Variants in NTNG2 observed in about 807,000 individuals in gnomAD.
NTNG2 encodes the protein netrin G2.
Under a neutral mutation model 47.6 loss-of-function variants are expected in NTNG2, and 15 were observed. That is an observed-to-expected ratio of 0.32 (90% CI 0.21 to 0.49). The LOEUF (loss-of-function observed/expected upper bound fraction) is 0.49. Among genes scored for constraint, NTNG2 ranks in the 20% least tolerant of loss-of-function variants. The pLI is 0.99. For missense variants in NTNG2, 578 were observed against 764.6 expected, an observed-to-expected ratio of 0.76 and a Z score of 2.88; for synonymous variants, 307 against 324.6, an observed-to-expected ratio of 0.95 and a Z score of 0.58.
intron 3 of NTNG2, among the ~76,000 whole-genome samples, chr9:132,201,432 CG>C (rs1175531699): frequency 1.3e-5 from 2 of 152,230 alleles, no homozygotes; most frequent in Non-Finnish European, 2.9e-5. Flanking sequence ...TTGGGTTAGA[CG>C]GTTCAGCGAA....
intron 5 of NTNG2, chr9:132,233,164 C>A (rs2854925): frequency 0.38 from 58,228 of 152,180 alleles, 11,596 homozygotes; most frequent in South Asian, 0.54. Context: ...TGCTTTGCTG[C>A]TGAGCCTGTG....
intron 2 of NTNG2, among the ~76,000 whole-genome samples, chr9:132,172,999 G>A (rs1040453921): frequency 6.6e-6 from 1 of 152,140 alleles, no homozygotes; most frequent in African/African-American, 2.4e-5. Flanking sequence ...AAAGTGCTGG[G>A]ATTACAGGAG....
At chr9:132,199,470 G>A (rs1272111265) in intron 3 of NTNG2, among the ~76,000 whole-genome samples, 1 of 152,258 alleles carries the variant, frequency 6.6e-6, no homozygotes, top group Non-Finnish European at 1.5e-5. Flanking sequence ...GTGGGGTTGT[G>A]CAGGCAGCAC....
chr9:132,210,291 T>C (rs1006320587), intron 3 of NTNG2, among the ~76,000 whole-genome samples: 1 of 152,124 alleles, frequency 6.6e-6, no homozygotes, highest in Non-Finnish European at 1.5e-5. Context: ...GTCTGAGACT[T>C]GCCCGCTCAA....
chr9:132,174,077 G>GACGA, intron 2 of NTNG2, among the ~76,000 whole-genome samples: 1 of 89,350 alleles, frequency 1.1e-5, no homozygotes, highest in African/African-American at 4.6e-5. Flanking sequence ...CAGACGGACA[G>GACGA]ACGGACAGAT....
chr9:132,214,277 AT>A (rs1396137325), intron 3 of NTNG2, among the ~76,000 whole-genome samples: 1 of 152,012 alleles, frequency 6.6e-6, no homozygotes, highest in Non-Finnish European at 1.5e-5. Context: ...CCCGCTCACG[AT>A]TTTTGTGGAG....
At position 132,226,978 on chromosome 9, in the gene NTNG2, G is replaced by T. The variant is rs765317291; in HGVS notation, c.987G>T (p.Arg329=). 1 of 1,610,676 alleles carries T rather than the reference G, an allele frequency of 6.2e-7. No homozygotes were observed. The highest frequency in any genetic ancestry group is 2.2e-5 in the East Asian group (1 of 44,850). The change falls in exon 4 of 8, where the codon CGG becomes CGT. Residue 329 remains arginine, a synonymous_variant. Coordinates refer to ENST00000393229, the MANE Select transcript of NTNG2 (RefSeq NM_032536.4). The surrounding 1 kb of genome is among the most constrained non-coding windows in gnomAD (Gnocchi z 4.8). ...AGAATTTCCGCACCCGGTCCTGGCG[G>T]GCCGGCTCCTACCTGCCGCTGCCCC... The part of the protein sequence containing the change: ...CKKNFRTRSW[R]AGSYLPLPHG...
intron 2 of NTNG2, among the ~76,000 whole-genome samples, chr9:132,196,213 G>C (rs566772735): frequency 6.6e-6 from 1 of 151,994 alleles, no homozygotes; most frequent in Non-Finnish European, 1.5e-5. Flanking sequence ...TGTTTGATAC[G>C]GAGTTTCACT....
chr9:132,210,156 G>A (rs1839486852), intron 3 of NTNG2, among the ~76,000 whole-genome samples: 1 of 152,138 alleles, frequency 6.6e-6, no homozygotes, highest in African/African-American at 2.4e-5. Flanking sequence ...GCACATCACG[G>A]TGCCAGCGAG....
At chr9:132,219,585 AAAAGAAAG>A (rs1554791337) in intron 3 of NTNG2, among the ~76,000 whole-genome samples, 1 of 146,730 alleles carries the variant, frequency 6.8e-6, no homozygotes, top group African/African-American at 2.6e-5. Flanking sequence ...AAAAAAAAAA[AAAAGAAAG>A]AAAGAAAGAA....
intron 7 of NTNG2, chr9:132,241,614 C>G (rs932317907): frequency 1.0e-5 from 5 of 494,620 alleles, no homozygotes; most frequent in Non-Finnish European, 1.8e-5. Flanking sequence ...GCTCTGGAGA[C>G]TGCAGGCGCG....
At chr9:132,177,324 T>C (rs138376074) in intron 2 of NTNG2, among the ~76,000 whole-genome samples, 1 of 152,292 alleles carries the variant, frequency 6.6e-6, no homozygotes, top group East Asian at 1.9e-4. Context: ...GTGTATTTTT[T>C]TCTTTTGTTG....
rs769671964 is a variant in NTNG2 at position 132,242,033 on chromosome 9, G to A, written c.1515G>A (p.Ala505=). Residue 505 remains alanine, a synonymous_variant, in exon 8 of 8, where the codon GCG becomes GCA. Coordinates refer to ENST00000393229, the MANE Select transcript of NTNG2 (RefSeq NM_032536.4). This position sits in a 1 kb window ranked among gnomAD's most constrained non-coding sequence, Gnocchi z 5.9. ...DDDGGLDCDR[A]PGAAPRPATL... ...ACGGCGGTCTGGACTGCGACCGCGC[G>A]CCCGGGGCCGCCCCGCGCCCCGCCA... 7.8e-7 allele frequency: 1 copy of A among 1,290,192 alleles called. No homozygotes were observed. The highest frequency in any genetic ancestry group is 9.8e-7 in the Non-Finnish European group (1 of 1,023,272). The allele number at this position is 1,290,192 out of a possible 1,614,324, so 79.9% of individuals were successfully genotyped here.
intron 3 of NTNG2, among the ~76,000 whole-genome samples, chr9:132,205,502 C>G (rs28584157): frequency 0.13 from 20,531 of 152,100 alleles, 4,031 homozygotes; most frequent in African/African-American, 0.44. Context: ...CTTCAGTTTG[C>G]GATGATTTAA....
At chr9:132,188,171 TC>T (rs905400124) in intron 2 of NTNG2, among the ~76,000 whole-genome samples, 2 of 152,018 alleles carry the variant, frequency 1.3e-5, no homozygotes. Context: ...CGTGCTCGAG[TC>T]CTGGCCCTCT....
At chr9:132,187,090 G>T (rs1837447845) in intron 2 of NTNG2, among the ~76,000 whole-genome samples, 1 of 152,254 alleles carries the variant, frequency 6.6e-6, no homozygotes, top group Admixed American at 6.5e-5. Context: ...GCCGAGGCAG[G>T]TTCGAGAGGC....
At chr9:132,213,495 G>A (rs901141787) in intron 3 of NTNG2, among the ~76,000 whole-genome samples, 3 of 152,132 alleles carry the variant, frequency 2.0e-5, no homozygotes, top group Admixed American at 6.6e-5. Context: ...CCCTCCCAGG[G>A]CAGCATCATT....
chr9:132,173,055 G>T (rs1244298126), intron 2 of NTNG2, among the ~76,000 whole-genome samples: 1 of 152,122 alleles, frequency 6.6e-6, no homozygotes, highest in African/African-American at 2.4e-5. Flanking sequence ...GGAAAAACTG[G>T]GGTTTGGGTC....
Position 132,198,269 on chromosome 9 carries a change from G to C in NTNG2, c.517G>C (p.Glu173Gln). The C allele has an allele frequency of 6.2e-7, 1 of 1,612,646 alleles. No individual in the cohort carries two copies. The highest frequency in any genetic ancestry group is 8.5e-7 in the Non-Finnish European group (1 of 1,179,966). Residue 173 changes from glutamate to glutamine, a missense_variant, in exon 3 of 8, where the codon GAG (glutamate) becomes CAG (glutamine). Glu to Gln is a conservative substitution (Grantham distance 29, BLOSUM62 2). Transcript: ENST00000393229. The stretch of plus-strand genomic sequence containing the variant: ...CCAGTTCTACGCCGAGGACTGCATG[G>C]AGGCCTTCGGTATGTCCGCCCGCCG... The part of the protein sequence containing the change: ...PYQFYAEDCM[E>Q]AFGMSARRAR...
Sources: gnomAD v4.1 joint callset for allele counts (sites outside exome capture counted in the v4.1 genomes callset) on GRCh38, gnomAD v4.1.1 for gene constraint, Gnocchi (gnomAD v3.1) non-coding constraint, MANE v1.5 for transcripts, NCBI Gene and HGNC (gene_info 2026-07-23, HGNC 2026-07-21) for gene names.